The following MMP12 variants were observed in gnomAD, a reference collection of about 807,000 sequenced individuals.
MMP12 encodes the protein matrix metallopeptidase 12, also known as macrophage metalloelastase.
MMP12 carries 51 observed loss-of-function variants against 45.2 expected under a neutral mutation model. The observed-to-expected ratio is 1.13, with a 90% CI of 0.90 to 1.42. MMP12 has a LOEUF of 1.42. Among genes scored for constraint, MMP12 ranks in the 40% most tolerant of loss-of-function variants. The pLI is 0.00. For synonymous variants in MMP12, 210 were observed against 193.3 expected, an observed-to-expected ratio of 1.09 and a Z score of -0.72; for missense variants, 530 against 570.8, an observed-to-expected ratio of 0.93 and a Z score of 0.73.
chr11:102,864,881 T>C (rs1201693703), intron 8 of MMP12, among the ~76,000 whole-genome samples: 1 of 152,202 alleles, frequency 6.6e-6, no homozygotes, highest in Non-Finnish European at 1.5e-5. Flanking sequence ...TGCTTAGCAC[T>C]CTCTCAATGG....
At chr11:102,869,751 A>T (rs1419533573) in intron 4 of MMP12, among the ~76,000 whole-genome samples, 1 of 151,286 alleles carries the variant, frequency 6.6e-6, no homozygotes, top group Non-Finnish European at 1.5e-5. Context: ...TCTCTGCCAA[A>T]AAAAAAAAAA....
Position 102,872,948 on chromosome 11 carries a change from T to A in MMP12, c.267A>T (p.Ala89=). ...LDTSTLEMMH[A]PRCGVPDVHH... is the part of the protein sequence containing the mutation. ...GGACATCGGGGACTCCACATCGAGG[T>A]GCGTGCATCATCTCCAGGGTAGATG... The change falls in exon 2 of 10, where the codon GCA becomes GCT. Residue 89 remains alanine (A), a synonymous_variant. Coordinates refer to ENST00000571244, the MANE Select transcript of MMP12 (RefSeq NM_002426.6). 6.2e-7 allele frequency: 1 copy of A among 1,613,682 alleles called. No homozygotes were observed. Among genetic ancestry groups the A allele is most frequent in the South Asian group, 1.1e-5 (1 of 90,998 alleles).
At chr11:102,874,028 C>CAAAAAAAAAAA (rs35364937) in intron 1 of MMP12, among the ~76,000 whole-genome samples, 2 of 97,468 alleles carry the variant, frequency 2.1e-5, no homozygotes, top group Admixed American at 1.0e-4. Flanking sequence ...AACCCTGTCT[C>CAAAAAAAAAAA]AAAAAAAAAA....
rs1859389007 is a variant in MMP12 at position 102,866,425 on chromosome 11, T to C, written c.935A>G (p.Glu312Gly). 6.2e-7 allele frequency: 1 copy of C among 1,610,438 alleles called. No homozygotes were observed. The highest frequency in any genetic ancestry group is 8.5e-7 in the Non-Finnish European group (1 of 1,178,480). Residue 312 changes from glutamate (E) to glycine (G), a missense_variant, in exon 7 of 10, where the codon GAG (glutamate) becomes GGG (glycine). Coordinates refer to ENST00000571244, the MANE Select transcript of MMP12 (RefSeq NM_002426.6). ...TAAATTAACACTGGTCTTTGGTCTCTCAGAAACCTTCAGCCAGAAGAACCT... is the reference window on the plus strand; with the variant it reads ...TAAATTAACACTGGTCTTTGGTCTCCCAGAAACCTTCAGCCAGAAGAACCT... ...KDRFFWLKVS[E>G]RPKTSVNLIS...
At chr11:102,867,441 G>A in intron 5 of MMP12, 48 bp from the exon 6 acceptor site, 1 of 1,542,546 alleles carries the variant, frequency 6.5e-7, no homozygotes, top group Non-Finnish European at 8.8e-7. Flanking sequence ...CTGCATTGTA[G>A]TTCAGAGGAG....
At chr11:102,863,719 G>A (rs886842431) in intron 9 of MMP12, among the ~76,000 whole-genome samples, 40 of 152,226 alleles carry the variant, frequency 2.6e-4, no homozygotes, top group Middle Eastern at 6.8e-3. Context: ...TAACCCACCC[G>A]CAGTCCCCAG....
chr11:102,867,213 C>A (rs997700505), intron 6 of MMP12, 57 bp downstream of exon 6: 1 of 1,440,960 alleles, frequency 6.9e-7, no homozygotes, highest in Non-Finnish European at 9.2e-7. Flanking sequence ...TGTTTTCTGA[C>A]AAAAAAAATT....
rs1859323987 is a variant in MMP12 at position 102,863,203 on chromosome 11, G to A, written c.1313-3C>T. The A allele has an allele frequency of 1.3e-6, 2 of 1,515,144 alleles. No homozygotes were observed. The highest frequency in any genetic ancestry group is 3.6e-5 in the Admixed American group (2 of 55,900). 93.9% of individuals were successfully genotyped at this position (1,515,144 alleles called of 1,614,324 possible). On this transcript the variant is annotated splice_polypyrimidine_tract_variant and splice_region_variant and intron_variant, in intron 9 of 9. Coordinates refer to ENST00000571244, the MANE Select transcript of MMP12 (RefSeq NM_002426.6). ...TCCTTGGAAGAAATAGTAGTATTCT[G>A]AAAATGAAAACAAATTAAATAGTTT...
rs782339557 is a variant in MMP12, at chr11:102,866,436, C to T, written c.924G>A (p.Leu308=). The T allele has an allele frequency of 6.2e-7, 1 of 1,610,580 alleles. No homozygotes were observed. The highest frequency in any genetic ancestry group is 2.2e-5 in the East Asian group (1 of 44,794). ...IFFFKDRFFW[L]KVSERPKTSV... The stretch of plus-strand genomic sequence containing the variant: ...TGGTCTTTGGTCTCTCAGAAACCTT[C>T]AGCCAGAAGAACCTGACATGAAAGA... Residue 308 remains leucine (L), a synonymous_variant, in exon 7 of 10, where the codon CTG becomes CTA. Coordinates refer to ENST00000571244, the MANE Select transcript of MMP12 (RefSeq NM_002426.6).
In MMP12 at chr11:102,865,962, T is replaced by G; in HGVS notation, c.1046-27A>C. ...TGTGAAGACAAAGAAATAGGGTAAA[T>G]TTGAATTATACAGGAAGAGTAATAA... On this transcript the variant is annotated intron_variant, in intron 7 of 9. Transcript: ENST00000571244. This position sits in a 1 kb window ranked among gnomAD's most constrained non-coding sequence, Gnocchi z 4.1. 1 of 1,554,470 alleles carries G rather than the reference T, an allele frequency of 6.4e-7. No homozygotes were observed. The highest frequency in any genetic ancestry group is 8.8e-7 in the Non-Finnish European group (1 of 1,135,714).
Position 102,865,794 on chromosome 11 carries a change from A to C in MMP12, c.1187T>G (p.Val396Gly), listed in dbSNP as rs202197749. 8 of 1,611,092 alleles carry C rather than the reference A, an allele frequency of 5.0e-6. No homozygotes were observed. The highest frequency in any genetic ancestry group is 6.8e-6 in the Non-Finnish European group (8 of 1,178,516). The change falls in exon 8 of 10, where the codon GTA (valine) becomes GGA (glycine). Residue 396 changes from valine to glycine, a missense_variant. By Grantham distance (109) the Val-to-Gly change is moderately radical (BLOSUM62 -3). Transcript: ENST00000571244. The surrounding 1 kb of genome is among the most constrained non-coding windows in gnomAD (Gnocchi z 4.1). ...AACTCACCTCCAATACTGGTTATCT[A>C]CAAAGAAGTAGGTCCTATAAAAACG... is the stretch of plus-strand genomic sequence containing the variant. The part of the protein sequence containing the change: ...NPRFYRTYFF[V>G]DNQYWRYDER...
In MMP12 at chr11:102,867,262, G is replaced by T; in HGVS notation, c.911+8C>A. ...TTTAATATTGGTTAGATATGAAAAT[G>T]ATCCTACCTGTCTTTGAAGAAAAAG... is the stretch of plus-strand genomic sequence containing the variant. On this transcript the variant is annotated splice_region_variant and intron_variant, in intron 6 of 9. Transcript: ENST00000571244. 1 of 1,577,884 alleles carries T rather than the reference G, an allele frequency of 6.3e-7. No individual in the cohort carries two copies. Among genetic ancestry groups the T allele is most frequent in the Non-Finnish European group, 8.6e-7 (1 of 1,164,738 alleles).
chr11:102,872,117 A>G (rs1859510289), intron 2 of MMP12, among the ~76,000 whole-genome samples, 165 bp from the exon 3 acceptor site: 1 of 152,172 alleles, frequency 6.6e-6, no homozygotes, highest in Admixed American at 6.5e-5. Flanking sequence ...TTTTTCTTGG[A>G]CAGCCTCCTC....
At chr11:102,871,753 T>A (rs782815938) in intron 3 of MMP12, 34 bp from the exon 4 acceptor site, 1 of 1,613,616 alleles carries the variant, frequency 6.2e-7, no homozygotes, top group Non-Finnish European at 8.5e-7. Context: ...AGTCCTTCTA[T>A]ACATCCTATA....
rs1198695941 is a variant in MMP12, at chr11:102,870,636, T to C, written c.625+958A>G. 2.0e-5 allele frequency among the ~76,000 whole-genome samples: 3 copies of C among 152,306 alleles called. No homozygotes were observed. The East Asian group carries it at 5.8e-4, about 29-fold the overall frequency. On this transcript the variant is annotated intron_variant, in intron 4 of 9. Transcript: ENST00000571244. The stretch of plus-strand genomic sequence containing the variant: ...GGTTAGGGTTTTCCCATGCTAGTGA[T>C]TCCTCTAAATAACAGGGGAGTTTAA...
rs1859342155 is a variant in MMP12 at position 102,864,168 on chromosome 11, A to C, written c.1290T>G (p.Asp430Glu). 1.2e-6 allele frequency: 2 copies of C among 1,612,708 alleles called. No individual in the cohort carries two copies. Among genetic ancestry groups the C allele is most frequent in the African/African-American group, 1.3e-5 (1 of 74,902 alleles). ...KNFQGIGPKIDAVFYSKNKYY... is the reference protein window; with the variant it reads ...KNFQGIGPKIEAVFYSKNKYY... ...TACTGTTTTTAGAGTAGAAGACTGCATCAATTTTAGGCCCGATTCCTTGGA... is the reference window on the plus strand; with the variant it reads ...TACTGTTTTTAGAGTAGAAGACTGCCTCAATTTTAGGCCCGATTCCTTGGA... Residue 430 changes from aspartate (D) to glutamate (E), a missense_variant, in exon 9 of 10, where the codon GAT becomes GAG. Asp to Glu is a conservative substitution (Grantham distance 45). Transcript: ENST00000571244.
At chr11:102,870,457 A>C (rs1859472842) in intron 4 of MMP12, among the ~76,000 whole-genome samples, 1 of 152,236 alleles carries the variant, frequency 6.6e-6, no homozygotes, top group Admixed American at 6.5e-5. Flanking sequence ...GTATTTATAA[A>C]AGTATTGCCA....
At chr11:102,867,502 A>C in intron 5 of MMP12, 109 bp from the exon 6 acceptor site, 1 of 1,120,394 alleles carries the variant, frequency 8.9e-7, no homozygotes, top group Non-Finnish European at 1.2e-6. Flanking sequence ...TTGCATCAAA[A>C]TCATTTTAAG....
Position 102,862,815 on chromosome 11 carries a change from C to T in MMP12, c.*285G>A, listed in dbSNP as rs183124517. The T allele has an allele frequency of 4.6e-6, 1 of 217,812 alleles. No homozygotes were observed. Among genetic ancestry groups the T allele is most frequent in the East Asian group, 9.7e-5 (1 of 10,358 alleles). 13.5% of individuals were successfully genotyped at this position (217,812 alleles called of 1,614,324 possible). A position where few individuals can be genotyped will look rare whatever the true frequency, so the allele number is the denominator to read the frequency against. On this transcript the variant is annotated 3_prime_UTR_variant, in exon 10 of 10. Transcript: ENST00000571244. ...CAGAAGTAAGTATAATTTCTCAGTC[C>T]AAGGATGTTAGGAAGCAACTTACAG...
Sources: allele counts gnomAD v4.1 joint callset (sites outside exome capture counted in the v4.1 genomes callset), GRCh38; gene constraint gnomAD v4.1.1; non-coding constraint Gnocchi (gnomAD v3.1); transcripts MANE v1.5; gene names NCBI Gene and HGNC (gene_info 2026-07-23, HGNC 2026-07-21).